Variants in RIT2 observed in about 807,000 individuals in gnomAD.
The protein encoded by RIT2 is GTP-binding protein Rit2.
RIT2 carries 24 observed loss-of-function variants against 23.7 expected under a neutral mutation model. The observed-to-expected ratio is 1.01, with a 90% confidence interval of 0.73 to 1.43. The LOEUF is 1.43. RIT2 is among the 40% of genes most tolerant of loss of function. RIT2 has a pLI of 0.00. For missense variants in RIT2, 236 were observed against 266.9 expected (o/e 0.88, Z 0.81); for synonymous variants, 107 against 91.1 (o/e 1.17, Z -0.99).
At chr18:42,840,370 A>C (rs889893384) in intron 4 of RIT2, among the ~76,000 whole-genome samples, 4 of 152,240 alleles carry the variant, frequency 2.6e-5, no homozygotes, top group Non-Finnish European at 5.9e-5. Flanking sequence ...TATTTCTGGC[A>C]ACAAATGCCA....
At chr18:42,797,356 G>A (rs954989483) in intron 4 of RIT2, among the ~76,000 whole-genome samples, 3 of 151,814 alleles carry the variant, frequency 2.0e-5, no homozygotes, top group African/African-American at 7.3e-5. Context: ...CAAAGCACAT[G>A]AAGAAATCAC....
At chr18:43,013,388 T>C (rs949157646) in intron 2 of RIT2, among the ~76,000 whole-genome samples, 1 of 151,846 alleles carries the variant, frequency 6.6e-6, no homozygotes, top group African/African-American at 2.4e-5. Flanking sequence ...GATATTACAA[T>C]GTCCAGGAAT....
At chr18:43,104,087 G>T (rs1913752102) in intron 1 of RIT2, among the ~76,000 whole-genome samples, 1 of 152,134 alleles carries the variant, frequency 6.6e-6, no homozygotes, top group East Asian at 1.9e-4. Context: ...CATACACAAT[G>T]GAATGCTATT....
rs754174204 is a variant in RIT2 at position 42,743,666 on chromosome 18, CA to C, written c.480del (p.Phe160LeufsTer18). The C allele has an allele frequency of 1.2e-6, 2 of 1,613,688 alleles. No homozygotes were observed. Among genetic ancestry groups the C allele is most frequent in the Non-Finnish European group, 1.7e-6 (2 of 1,179,882 alleles). On this transcript the variant is annotated frameshift_variant, in exon 5 of 5. Transcript: ENST00000326695. LOFTEE classifies it high-confidence loss of function. ...CAGAATCTGAGGGCTGCAGAGGTCT[CA>C]AAAAAACCACAATTATATTCTTGGG... ...SLAQEYNCGF[F>X]ETSAALRFCI... is the part of the protein sequence containing the mutation.
intron 4 of RIT2, among the ~76,000 whole-genome samples, chr18:42,834,153 G>A (rs1906535465): frequency 6.6e-6 from 1 of 152,102 alleles, no homozygotes. Flanking sequence ...ATTATAATAA[G>A]CAAACAAAAG....
In RIT2 at chr18:43,115,643, A is replaced by G. The variant is rs1345834383; in HGVS notation, c.-124T>C. The G allele has an allele frequency of 1.5e-6, 2 of 1,367,910 alleles. No homozygotes were observed. Among genetic ancestry groups the G allele is most frequent in the Non-Finnish European group, 1.9e-6 (2 of 1,047,440 alleles). 84.7% of individuals were successfully genotyped at this position (1,367,910 alleles called of 1,614,324 possible). A position where few individuals can be genotyped will look rare whatever the true frequency, so the allele number is the denominator to read the frequency against. ...GTTTTAGTACGAGGTAAGAACCATC[A>G]GCGTCGGGCTGGCTGCTGGTCCTCC... On this transcript the variant is annotated 5_prime_UTR_variant, in exon 1 of 5. It removes the in-frame stop codon of an upstream open reading frame in the 5' UTR. Coordinates refer to ENST00000326695, the MANE Select transcript of RIT2 (RefSeq NM_002930.4).
intron 4 of RIT2, among the ~76,000 whole-genome samples, chr18:42,849,927 C>T (rs1215092370): frequency 1.3e-5 from 2 of 152,098 alleles, no homozygotes; most frequent in Admixed American, 6.6e-5. Flanking sequence ...ATAATTAGGA[C>T]TACATTAGAT....
chr18:42,991,442 C>T (rs886484094), intron 2 of RIT2, among the ~76,000 whole-genome samples: 1 of 152,170 alleles, frequency 6.6e-6, no homozygotes, highest in Non-Finnish European at 1.5e-5. Context: ...GTATCCACTG[C>T]AGGTGATGTA....
intron 4 of RIT2, among the ~76,000 whole-genome samples, chr18:42,863,905 C>T (rs757037695): frequency 1.3e-5 from 2 of 152,028 alleles, no homozygotes; most frequent in African/African-American, 2.4e-5. Flanking sequence ...AATAAATAAT[C>T]GGGGTACTGA....
rs1402153369 is a variant in RIT2, at chr18:42,892,787, A to G, written c.426+30785T>C. ...CTGGTGTCTTATAGAAAGATCACCTACTTACTCTTCTTTGCCTAGGATTGA... is the reference window on the plus strand; with the variant it reads ...CTGGTGTCTTATAGAAAGATCACCTGCTTACTCTTCTTTGCCTAGGATTGA... On this transcript the variant is annotated intron_variant, in intron 4 of 4. Transcript: ENST00000326695. Among the ~76,000 whole-genome samples the G allele has an allele frequency of 2.0e-5, 3 of 152,312 alleles. No individual in the cohort carries two copies. The South Asian group carries it at 6.2e-4, about 32-fold the overall frequency.
chr18:42,762,143 T>C (rs776101869), intron 4 of RIT2, among the ~76,000 whole-genome samples: 15 of 152,236 alleles, frequency 9.9e-5, no homozygotes, highest in Non-Finnish European at 1.9e-4. Flanking sequence ...GTGAATTTTA[T>C]ATCTTTTAGC....
At position 43,003,323 on chromosome 18, in the gene RIT2, G is replaced by C. The variant is rs140470698; in HGVS notation, c.161-29176C>G. Among the ~76,000 whole-genome samples the C allele has an allele frequency of 5.2e-3, 793 of 152,016 alleles. 4 individuals carry two copies. The highest frequency in any genetic ancestry group is 0.041 in the Middle Eastern group (12 of 294). On this transcript the variant is annotated intron_variant, in intron 2 of 4. Coordinates refer to ENST00000326695, the MANE Select transcript of RIT2 (RefSeq NM_002930.4). ...ACAGAAAAGTAGAATTCTCTTAAAG[G>C]CATTTTTAAATGAGAGATTTACAAA...
intron 3 of RIT2, among the ~76,000 whole-genome samples, chr18:42,965,711 C>CTTTTTTTTT (rs58344278): frequency 1.3e-4 from 5 of 37,782 alleles, no homozygotes; most frequent in East Asian, 5.8e-4. Flanking sequence ...GTACTGATGG[C>CTTTTTTTTT]TTTTTTTTTT....
intron 2 of RIT2, among the ~76,000 whole-genome samples, chr18:43,012,692 G>T (rs1359947500): frequency 6.6e-6 from 1 of 150,616 alleles, no homozygotes; most frequent in African/African-American, 2.4e-5. Flanking sequence ...TAGTTCCATA[G>T]TATGATTATA....
intron 4 of RIT2, among the ~76,000 whole-genome samples, chr18:42,801,933 C>A (rs902972518): frequency 6.6e-6 from 1 of 152,210 alleles, no homozygotes; most frequent in Non-Finnish European, 1.5e-5. Flanking sequence ...GGCTTCTGCT[C>A]AATGTCATTT....
chr18:42,936,666 T>C (rs1355243185), intron 3 of RIT2, among the ~76,000 whole-genome samples: 1 of 152,184 alleles, frequency 6.6e-6, no homozygotes, highest in Admixed American at 6.5e-5. Context: ...CTATACTACA[T>C]GTGGCATTCT....
chr18:43,015,124 G>GCA (rs1424221221), intron 2 of RIT2, among the ~76,000 whole-genome samples: 1 of 151,718 alleles, frequency 6.6e-6, no homozygotes, highest in Non-Finnish European at 1.5e-5. Context: ...TGTTGACACA[G>GCA]CACACTGTTT....
intron 4 of RIT2, among the ~76,000 whole-genome samples, chr18:42,890,549 T>G (rs1908143572): frequency 1.4e-5 from 2 of 147,450 alleles, no homozygotes; most frequent in Non-Finnish European, 1.5e-5. Context: ...GGAAGGAAGT[T>G]AAGATGGAAA....
At chr18:42,754,874 CT>C (rs1567987980) in intron 4 of RIT2, among the ~76,000 whole-genome samples, 1 of 152,142 alleles carries the variant, frequency 6.6e-6, no homozygotes, top group Non-Finnish European at 1.5e-5. Flanking sequence ...TTGCCCTCAA[CT>C]GTATTTTTGC....
Sources: allele counts gnomAD v4.1 joint callset (sites outside exome capture counted in the v4.1 genomes callset), GRCh38; gene constraint gnomAD v4.1.1; transcripts MANE v1.5; gene names NCBI Gene and HGNC (gene_info 2026-07-23, HGNC 2026-07-21).